Variants in TRAK1 observed in about 807,000 individuals in gnomAD.
The protein encoded by TRAK1 is trafficking kinesin protein 1.
Under a neutral mutation model 92.1 loss-of-function variants are expected in TRAK1, and 33 were observed. That is an observed-to-expected ratio of 0.36 (90% CI 0.27 to 0.48). TRAK1 has a LOEUF of 0.48. TRAK1 is among the 20% of genes least tolerant of loss of function. The probability of loss-of-function intolerance (pLI) is 0.99; values close to 1 mark genes in which losing one functional copy is unlikely to be tolerated. For missense variants in TRAK1, 1,123 were observed against 1,257.9 expected, an observed-to-expected ratio of 0.89 and a Z score of 1.62; for synonymous variants, 521 against 517.3, an observed-to-expected ratio of 1.01 and a Z score of -0.10.
At chr3:42,110,588 T>C (rs1266540604) in intron 1 of TRAK1, among the ~76,000 whole-genome samples, 1 of 152,192 alleles carries the variant, frequency 6.6e-6, no homozygotes, top group African/African-American at 2.4e-5. Flanking sequence ...CTTCATGTGT[T>C]GAATTTTGTT....
intron 2 of TRAK1, among the ~76,000 whole-genome samples, chr3:42,142,663 C>T (rs1041757767): frequency 2.6e-5 from 4 of 152,230 alleles, no homozygotes; most frequent in Non-Finnish European, 5.9e-5. Flanking sequence ...AGCAGTCATA[C>T]ACATCCACCT....
chr3:42,144,727 T>C (rs76804524), intron 2 of TRAK1, among the ~76,000 whole-genome samples: 6,058 of 152,296 alleles, frequency 0.04, 423 homozygotes, highest in African/African-American at 0.14. Flanking sequence ...AATTTGAGAA[T>C]ATATTGTTCC....
At chr3:42,136,645 A>AT (rs3073703) in intron 2 of TRAK1, among the ~76,000 whole-genome samples, 3,392 of 136,440 alleles carry the variant, frequency 0.025, 55 homozygotes, top group Middle Eastern at 0.057. Context: ...AAATAAATAA[A>AT]AAATAAATAA....
chr3:42,060,172 A>G (rs1196562212), intron 1 of TRAK1, among the ~76,000 whole-genome samples: 1 of 152,150 alleles, frequency 6.6e-6, no homozygotes, highest in Non-Finnish European at 1.5e-5. Flanking sequence ...ATCCACATGG[A>G]GCTTACATTC....
chr3:42,049,362 A>G (rs1262382315), intron 1 of TRAK1, among the ~76,000 whole-genome samples: 2 of 151,390 alleles, frequency 1.3e-5, no homozygotes, highest in African/African-American at 4.9e-5. Context: ...AGAAATATCT[A>G]AATTTTGGGG....
intron 1 of TRAK1, among the ~76,000 whole-genome samples, chr3:42,109,648 C>T (rs972131380): frequency 6.6e-6 from 1 of 152,096 alleles, no homozygotes; most frequent in African/African-American, 2.4e-5. Context: ...TGTGTTCATG[C>T]ACACGTATGT....
chr3:42,183,568 A>AG (rs1704344681), intron 3 of TRAK1, among the ~76,000 whole-genome samples: 2 of 145,220 alleles, frequency 1.4e-5, no homozygotes, highest in African/African-American at 5.0e-5. Context: ...AAAAAAAAAA[A>AG]AAAGAAAGAA....
At position 42,216,540 on chromosome 3, in the gene TRAK1, G is replaced by A. The variant is rs1019846562; in HGVS notation, c.1964-2954G>A. Among the ~76,000 whole-genome samples, 11 of 152,314 alleles carry A rather than the reference G, an allele frequency of 7.2e-5. 1 individual carries two copies. The East Asian group carries it at 9.7e-4, about 13-fold the overall frequency. On this transcript the variant is annotated intron_variant, in intron 14 of 15. Transcript: ENST00000327628. The stretch of plus-strand genomic sequence containing the variant: ...AAGTCCTCTGATGTGTCCACCTGTA[G>A]CTAGCTGAAGGATGTGTGCTTGCAT...
In TRAK1 at chr3:42,224,305, TG is replaced by T; in HGVS notation, c.*569del. On this transcript the variant is annotated 3_prime_UTR_variant, in exon 16 of 16. Transcript: ENST00000327628. ...GGCCCAGCTTCTTCAAGACCTTCACTGCTCTGCCTCAGTGGACAGTCGTTTC... is the reference window on the plus strand; with the variant it reads ...GGCCCAGCTTCTTCAAGACCTTCACTCTCTGCCTCAGTGGACAGTCGTTTC... 3.3e-6 allele frequency: 1 copy of T among 305,738 alleles called. No homozygotes were observed. The highest frequency in any genetic ancestry group is 2.7e-5 in the South Asian group (1 of 36,892). 18.9% of individuals were successfully genotyped at this position (305,738 alleles called of 1,614,324 possible).
intron 1 of TRAK1, among the ~76,000 whole-genome samples, chr3:42,113,234 C>G (rs1378280554): frequency 6.6e-6 from 1 of 152,122 alleles, no homozygotes; most frequent in African/African-American, 2.4e-5. Context: ...CAGAATGAGA[C>G]CCTATCTCTT....
At chr3:42,048,897 A>G (rs1702867939) in intron 1 of TRAK1, among the ~76,000 whole-genome samples, 1 of 151,968 alleles carries the variant, frequency 6.6e-6, no homozygotes, top group South Asian at 2.1e-4. Flanking sequence ...ATCCTTGTAC[A>G]TGGGACATTA....
chr3:42,223,732 C>T lies in TRAK1; in HGVS notation c.2857C>T (p.Arg953Trp), dbSNP rs141054486. 80 of 1,601,870 alleles carry T rather than the reference C, an allele frequency of 5.0e-5. No individual in the cohort carries two copies. In the East Asian group the frequency reaches 7.2e-4, roughly 14 times the overall value. ...GAKLSKQTSL[R>W] ...TAAGCTCTCCAAACAAACTAGCTTA[C>T]GGTGAGGACTGGAGGGGGGCCGGTT... The change falls in exon 16 of 16, where the codon CGG becomes TGG. Residue 953 changes from arginine to tryptophan, a missense_variant. This residue lies in a region of TRAK1 where 401 missense variants were observed against 438.9 expected (regional missense o/e 0.91). Coordinates refer to ENST00000327628, the MANE Select transcript of TRAK1 (RefSeq NM_001042646.3). This position sits in a 1 kb window ranked among gnomAD's most constrained non-coding sequence, Gnocchi z 6.1.
rs35460407 is a variant in TRAK1, at chr3:42,196,704, A to AT, written c.1113+1778dup. On this transcript the variant is annotated intron_variant, in intron 10 of 15. Coordinates refer to ENST00000327628, the MANE Select transcript of TRAK1 (RefSeq NM_001042646.3). ...AGGCATGTGCCACCACGCCCGGCTAATTTTTTTTTTTTTTTGTATTTTTAG... is the reference window on the plus strand; with the variant it reads ...AGGCATGTGCCACCACGCCCGGCTAATTTTTTTTTTTTTTTTGTATTTTTAG... Among the ~76,000 whole-genome samples, 1,236 of 142,094 alleles carry AT rather than the reference A, an allele frequency of 8.7e-3. 10 individuals are homozygous for AT. Among genetic ancestry groups the AT allele is most frequent in the African/African-American group, 0.022 (853 of 38,478 alleles). The allele number at this position is 142,094 out of a possible 152,430, so 93.2% of individuals were successfully genotyped here.
intron 1 of TRAK1, among the ~76,000 whole-genome samples, chr3:42,094,127 A>G (rs1272230417): frequency 2.6e-5 from 4 of 152,188 alleles, no homozygotes; most frequent in East Asian, 3.9e-4. Context: ...GTGGCCAGGT[A>G]TGGGCCTCGG....
rs780058361 is a variant in TRAK1 at position 42,188,080 on chromosome 3, T to G, written c.516T>G (p.Asp172Glu). 25 of 1,613,626 alleles carry G rather than the reference T, an allele frequency of 1.5e-5. No homozygotes were observed. The highest frequency in any genetic ancestry group is 2.2e-5 in the East Asian group (1 of 44,850). ...TCCGGCATGAGCTGTCCATGAAGGA[T>G]GAGCTGCTTCAGTTCTACACCAGCG... ...SQLRHELSMKDELLQFYTSAA... is the reference protein window; with the variant it reads ...SQLRHELSMKEELLQFYTSAA... The change falls in exon 5 of 16, where the codon GAT (aspartate) becomes GAG (glutamate). Residue 172 changes from aspartate to glutamate, a missense_variant. This residue lies in a region of TRAK1 where 686 missense variants were observed against 747.6 expected (regional missense o/e 0.92). Transcript: ENST00000327628.
intron 1 of TRAK1, among the ~76,000 whole-genome samples, chr3:42,040,574 T>C (rs972380704): frequency 2.0e-5 from 3 of 152,210 alleles, no homozygotes; most frequent in Admixed American, 1.3e-4. Flanking sequence ...AGTTGCCTTA[T>C]TGAAAATCAA....
chr3:42,157,677 A>G (rs1700726294), intron 2 of TRAK1, among the ~76,000 whole-genome samples: 2 of 152,068 alleles, frequency 1.3e-5, no homozygotes, highest in African/African-American at 4.8e-5. Context: ...TATTGTTCAA[A>G]AAATCTGTTT....
At chr3:42,203,524 C>G (rs1421034375) in intron 13 of TRAK1, 2 of 965,556 alleles carry the variant, frequency 2.1e-6, no homozygotes, top group Non-Finnish European at 2.4e-6. Flanking sequence ...TTAATTTAGG[C>G]ACTTATAAAA....
intron 1 of TRAK1, among the ~76,000 whole-genome samples, chr3:42,064,340 A>AAATG (rs1703582190): frequency 6.7e-6 from 1 of 148,704 alleles, no homozygotes; most frequent in South Asian, 2.2e-4. Flanking sequence ...ACCCGGTCTC[A>AAATG]AATGAATAAA....
Sources: gnomAD v4.1 joint callset for allele counts (sites outside exome capture counted in the v4.1 genomes callset) on GRCh38, gnomAD v4.1.1 for gene constraint, gnomAD v4.1.1 regional missense constraint, Gnocchi (gnomAD v3.1) non-coding constraint, MANE v1.5 for transcripts, NCBI Gene and HGNC (gene_info 2026-07-23, HGNC 2026-07-21) for gene names.